Variants in SYT15B observed in about 807,000 individuals in gnomAD.
The protein encoded by SYT15B is synaptotagmin 15B.
the SYT15B span, chr10:47,762,774 G>C: frequency 8.3e-7 from 1 of 1,207,482 alleles, no homozygotes; most frequent in Non-Finnish European, 1.0e-6. Flanking sequence ...GCCCAGCTGC[G>C]GCGCGGGGAG....
the SYT15B span, among the ~76,000 whole-genome samples, chr10:47,754,978 GA>G: frequency 1.4e-5 from 1 of 72,252 alleles, no homozygotes; most frequent in East Asian, 4.0e-4. Context: ...TTTTTTTTTT[GA>G]CAGAGTCTCG....
chr10:47,747,295 G>C, the SYT15B span, among the ~76,000 whole-genome samples: 1 of 151,946 alleles, frequency 6.6e-6, no homozygotes, highest in Non-Finnish European at 1.5e-5. Flanking sequence ...ATGTAGAAGG[G>C]AGACACAGAA....
chr10:47,749,344 T>G, the SYT15B span, among the ~76,000 whole-genome samples: 1 of 150,482 alleles, frequency 6.6e-6, no homozygotes, highest in East Asian at 2.0e-4. Context: ...AAAACTGATC[T>G]ATGATAGAAT....
the SYT15B span, chr10:47,752,888 C>T: frequency 1.2e-5 from 1 of 86,480 alleles, no homozygotes; most frequent in Non-Finnish European, 2.3e-5. Context: ...AGGTGGATCA[C>T]CTGAGGCCAG....
At chr10:47,757,283 CGTT>C in the SYT15B span, 2 of 396,460 alleles carry the variant, frequency 5.0e-6, no homozygotes, top group Non-Finnish European at 3.1e-6. Context: ...CTCAGGTAGT[CGTT>C]GTAGCTGAGG....
chr10:47,744,790 C>A, the SYT15B span, among the ~76,000 whole-genome samples: 1 of 151,804 alleles, frequency 6.6e-6, no homozygotes, highest in East Asian at 1.9e-4. Context: ...GTCACTCCTC[C>A]CTGCCCCTGG....
the SYT15B span, among the ~76,000 whole-genome samples, chr10:47,749,742 G>A: frequency 6.7e-6 from 1 of 150,234 alleles, no homozygotes; most frequent in South Asian, 2.1e-4. Context: ...AAACAAAAAT[G>A]GGTAAGACAA....
At chr10:47,755,206 C>T in the SYT15B span, among the ~76,000 whole-genome samples, 15 of 151,556 alleles carry the variant, frequency 9.9e-5, no homozygotes, top group Non-Finnish European at 1.6e-4. Flanking sequence ...CCACCCCTCT[C>T]GGTCTCCCAA....
the SYT15B span, among the ~76,000 whole-genome samples, chr10:47,756,761 C>A: frequency 1.3e-5 from 2 of 151,484 alleles, no homozygotes; most frequent in Admixed American, 6.6e-5. Flanking sequence ...CAAGGCCTCC[C>A]CTTCTGCAGC....
At chr10:47,755,491 G>A in the SYT15B span, among the ~76,000 whole-genome samples, 5 of 150,600 alleles carry the variant, frequency 3.3e-5, 1 homozygote, top group African/African-American at 7.4e-5. Context: ...TCCTGACCTC[G>A]TGATCTGCCT....
At chr10:47,756,224 T>C in the SYT15B span, 7 of 325,602 alleles carry the variant, frequency 2.1e-5, no homozygotes, top group African/African-American at 2.3e-4. Context: ...CAAACACACC[T>C]AGGGAACGGT....
chr10:47,763,084 G>A, the SYT15B span: 1 of 1,000,842 alleles, frequency 1.0e-6, no homozygotes, highest in South Asian at 3.8e-5. Flanking sequence ...TGGTGGCCAG[G>A]ACTGAGCCCC....
chr10:47,747,268 G>T, the SYT15B span, among the ~76,000 whole-genome samples: 8 of 152,202 alleles, frequency 5.3e-5, no homozygotes, highest in South Asian at 2.1e-4. Flanking sequence ...AGCTGGAACT[G>T]AAGGGGCCAA....
the SYT15B span, among the ~76,000 whole-genome samples, chr10:47,748,361 G>A: frequency 2.7e-5 from 4 of 148,468 alleles, no homozygotes; most frequent in Non-Finnish European, 6.0e-5. Flanking sequence ...ACAGGCACGC[G>A]CCACCATGCC....
the SYT15B span, chr10:47,762,968 G>A: frequency 3.8e-6 from 5 of 1,299,860 alleles, no homozygotes; most frequent in Non-Finnish European, 3.9e-6. Flanking sequence ...GGCTCCCTGC[G>A]GCTTGGGGCA....
At chr10:47,761,085 AACACAC>A in the SYT15B span, among the ~76,000 whole-genome samples, 85 of 120,850 alleles carry the variant, frequency 7.0e-4, no homozygotes, top group Admixed American at 1.1e-3. Context: ...CATACCAGGC[AACACAC>A]ACACACACAC....
the SYT15B span, chr10:47,762,657 G>A: frequency 1.3e-6 from 1 of 769,222 alleles, no homozygotes. Context: ...GCTCCCGCAG[G>A]CTGGTCTCGC....
At chr10:47,753,121 T>G in the SYT15B span, 4 of 840,740 alleles carry the variant, frequency 4.8e-6, no homozygotes, top group South Asian at 1.6e-4. Flanking sequence ...AAAATTAAAA[T>G]AAAAAAAAAA....
At chr10:47,749,484 G>A in the SYT15B span, among the ~76,000 whole-genome samples, 2 of 145,720 alleles carry the variant, frequency 1.4e-5, no homozygotes, top group African/African-American at 5.0e-5. Flanking sequence ...ATTAAAATGA[G>A]TAATAATAAT....
Sources: allele counts gnomAD v4.1 joint callset (sites outside exome capture counted in the v4.1 genomes callset), GRCh38; gene constraint gnomAD v4.1.1; transcripts MANE v1.5; gene names NCBI Gene and HGNC (gene_info 2026-07-23, HGNC 2026-07-21).